CFAP299: variants seen among roughly 807,000 people sequenced by gnomAD.
CFAP299 encodes the protein cilia and flagella associated protein 299.
In CFAP299, 21 loss-of-function variants were observed where a neutral mutation model predicts 27.0. That is an observed-to-expected ratio of 0.78 (90% CI 0.55 to 1.12). CFAP299 has a LOEUF of 1.12. Among genes scored for constraint, CFAP299 ranks in the 50% most tolerant of loss-of-function variants. The probability of loss-of-function intolerance (pLI) is 0.00; values close to 1 mark genes in which losing one functional copy is unlikely to be tolerated. For missense variants in CFAP299, 310 were observed against 276.6 expected, an observed-to-expected ratio of 1.12 and a Z score of -0.86; for synonymous variants, 104 against 98.1, an observed-to-expected ratio of 1.06 and a Z score of -0.36.
chr4:80,960,148 G>A (rs1003168632), intron 5 of CFAP299, among the ~76,000 whole-genome samples: 5 of 150,836 alleles, frequency 3.3e-5, no homozygotes, highest in African/African-American at 1.2e-4. Context: ...TAGGCAAATA[G>A]TAAGCTAAGA....
intron 3 of CFAP299, among the ~76,000 whole-genome samples, chr4:80,783,626 A>G (rs1397924638): frequency 6.6e-6 from 1 of 152,206 alleles, no homozygotes; most frequent in Non-Finnish European, 1.5e-5. Context: ...TTAGGCTAAA[A>G]GCAATATATC....
chr4:80,336,239 G>C (rs1005643041), intron 1 of CFAP299, among the ~76,000 whole-genome samples: 4 of 152,220 alleles, frequency 2.6e-5, no homozygotes, highest in African/African-American at 7.2e-5. Flanking sequence ...GTCTCCGGCT[G>C]TGATCTAGGA....
intron 3 of CFAP299, among the ~76,000 whole-genome samples, chr4:80,707,009 T>G (rs1315368927): frequency 6.6e-6 from 1 of 151,936 alleles, no homozygotes; most frequent in Non-Finnish European, 1.5e-5. Flanking sequence ...AATAAAGGCT[T>G]TGTAGGACTG....
chr4:80,474,138 T>G (rs1053947090), intron 2 of CFAP299, among the ~76,000 whole-genome samples: 13 of 152,320 alleles, frequency 8.5e-5, no homozygotes, highest in African/African-American at 3.1e-4. Context: ...AAAATGTTTT[T>G]ATTTGGACAC....
At chr4:80,852,438 AAGAG>A (rs57752167) in intron 3 of CFAP299, among the ~76,000 whole-genome samples, 1 of 152,184 alleles carries the variant, frequency 6.6e-6, no homozygotes, top group African/African-American at 2.4e-5. Flanking sequence ...ACACCACAGA[AAGAG>A]AGAGACAGAG....
chr4:80,400,603 G>A (rs1209357066), intron 2 of CFAP299, among the ~76,000 whole-genome samples: 1 of 152,078 alleles, frequency 6.6e-6, no homozygotes, highest in African/African-American at 2.4e-5. Context: ...ATGATTCTGA[G>A]GCCTCCCCAG....
intron 2 of CFAP299, among the ~76,000 whole-genome samples, chr4:80,452,952 A>G (rs1197798402): frequency 1.3e-5 from 2 of 152,244 alleles, no homozygotes; most frequent in African/African-American, 4.8e-5. Flanking sequence ...ACAGATGGCC[A>G]TGATGATGCA....
chr4:80,359,975 G>T (rs1270888885), intron 1 of CFAP299, among the ~76,000 whole-genome samples: 2 of 152,124 alleles, frequency 1.3e-5, no homozygotes, highest in East Asian at 1.9e-4. Flanking sequence ...AATTTTTGAG[G>T]TTTCTGACCT....
chr4:80,343,539 C>T (rs1578334125), intron 1 of CFAP299, among the ~76,000 whole-genome samples: 1 of 152,236 alleles, frequency 6.6e-6, no homozygotes, highest in East Asian at 1.9e-4. Flanking sequence ...CCTGTAATCC[C>T]AGCACTTTGG....
rs1438042749 is a variant in CFAP299 at position 80,800,763 on chromosome 4, G to GTATACATATATA, written c.334-69229_334-69228insATACATATATAT. 2.6e-3 allele frequency among the ~76,000 whole-genome samples: 339 copies of GTATACATATATA among 130,736 alleles called. 2 individuals carry two copies. The highest frequency in any genetic ancestry group is 7.5e-3 in the Middle Eastern group (2 of 266). 85.8% of individuals were successfully genotyped at this position (130,736 alleles called of 152,430 possible). ...ATATAATCAGTGTGTGTGTGTGTGT[G>GTATACATATATA]TGTGTATATATATATATGTATACAT... is the stretch of plus-strand genomic sequence containing the variant. On this transcript the variant is annotated intron_variant, in intron 3 of 5. Coordinates refer to ENST00000358105, the MANE Select transcript of CFAP299 (RefSeq NM_152770.3).
chr4:80,864,339 C>A (rs1356396923), intron 3 of CFAP299, among the ~76,000 whole-genome samples: 7 of 149,786 alleles, frequency 4.7e-5, no homozygotes, highest in Non-Finnish European at 8.9e-5. Flanking sequence ...GCTCTTTTGA[C>A]CTATTTGCCC....
chr4:80,442,018 A>G (rs999248172), intron 2 of CFAP299, among the ~76,000 whole-genome samples: 1 of 152,226 alleles, frequency 6.6e-6, no homozygotes, highest in African/African-American at 2.4e-5. Flanking sequence ...TATCCTAAAT[A>G]TATATGCACC....
At chr4:80,628,867 G>A (rs370586882) in intron 3 of CFAP299, among the ~76,000 whole-genome samples, 1 of 152,166 alleles carries the variant, frequency 6.6e-6, no homozygotes, top group African/African-American at 2.4e-5. Context: ...CACGCTGTTG[G>A]TGAGAATGTA....
chr4:80,798,914 T>G (rs182667036), intron 3 of CFAP299, among the ~76,000 whole-genome samples: 7 of 151,514 alleles, frequency 4.6e-5, no homozygotes, highest in African/African-American at 1.7e-4. Flanking sequence ...GTGTTCTCCA[T>G]ACTATTGGAA....
intron 3 of CFAP299, among the ~76,000 whole-genome samples, chr4:80,633,050 A>C (rs1274245464): frequency 6.6e-6 from 1 of 152,206 alleles, no homozygotes; most frequent in Non-Finnish European, 1.5e-5. Context: ...CTTCTCTTTA[A>C]AATGCCTTTT....
chr4:80,444,316 G>T (rs1356967542), intron 2 of CFAP299, among the ~76,000 whole-genome samples: 2 of 152,112 alleles, frequency 1.3e-5, no homozygotes, highest in East Asian at 1.9e-4. Context: ...GCATGGTACT[G>T]GTACCAAAAC....
intron 4 of CFAP299, among the ~76,000 whole-genome samples, chr4:80,897,953 G>A (rs1734689608): frequency 6.6e-6 from 1 of 152,144 alleles, no homozygotes. Context: ...GGAGCATGCA[G>A]GTGAGTCGGT....
rs1462362048 is a variant in CFAP299, at chr4:80,431,653, T to C, written c.242+68769T>C. ...CCCTCTGTTTGGATTGGCAGCCGCTTGGTTATAGGGAAAAGCTGTGTCTAG... is the reference window on the plus strand; with the variant it reads ...CCCTCTGTTTGGATTGGCAGCCGCTCGGTTATAGGGAAAAGCTGTGTCTAG... On this transcript the variant is annotated intron_variant, in intron 2 of 5. Coordinates refer to ENST00000358105, the MANE Select transcript of CFAP299 (RefSeq NM_152770.3). 2.0e-5 allele frequency among the ~76,000 whole-genome samples: 3 copies of C among 152,156 alleles called. 1 individual carries two copies. The highest frequency in any genetic ancestry group is 7.2e-5 in the African/African-American group (3 of 41,458).
chr4:80,801,052 A>C (rs990881263), intron 3 of CFAP299, among the ~76,000 whole-genome samples: 7 of 151,618 alleles, frequency 4.6e-5, no homozygotes, highest in African/African-American at 7.3e-5. Flanking sequence ...ATTAAGGGTG[A>C]GTCTGCCTTT....
Sources: allele counts gnomAD v4.1 joint callset (sites outside exome capture counted in the v4.1 genomes callset), GRCh38; gene constraint gnomAD v4.1.1; transcripts MANE v1.5; gene names NCBI Gene and HGNC (gene_info 2026-07-23, HGNC 2026-07-21).